The following HTR2A variants were observed in gnomAD, a reference collection of about 807,000 sequenced individuals.
HTR2A encodes the protein 5-HT2 receptor.
HTR2A carries 14 observed loss-of-function variants against 31.0 expected under a neutral mutation model. The ratio of observed to expected loss-of-function variants is 0.45; its 90% CI spans 0.30 to 0.71. The LOEUF is 0.71. Among genes scored for constraint, HTR2A ranks in the 30% least tolerant of loss-of-function variants. The pLI is 0.09. For missense variants in HTR2A, 442 were observed against 573.3 expected, an observed-to-expected ratio of 0.77 and a Z score of 2.34; for synonymous variants, 209 against 225.2, an observed-to-expected ratio of 0.93 and a Z score of 0.64.
At chr13:46,883,766 A>G (rs769720082) in intron 3 of HTR2A, among the ~76,000 whole-genome samples, 2 of 152,192 alleles carry the variant, frequency 1.3e-5, no homozygotes, top group Non-Finnish European at 2.9e-5. Flanking sequence ...TCCATAGAGA[A>G]TACTAGGATC....
At chr13:46,837,072 G>T (rs79571824) in intron 3 of HTR2A, among the ~76,000 whole-genome samples, 2,623 of 152,208 alleles carry the variant, frequency 0.017, 63 homozygotes, top group African/African-American at 0.055. Flanking sequence ...CAGATTTGGG[G>T]GATCTGTAAG....
chr13:46,849,689 T>C (rs190149488), intron 3 of HTR2A, among the ~76,000 whole-genome samples: 1 of 152,338 alleles, frequency 6.6e-6, no homozygotes, highest in African/African-American at 2.4e-5. Context: ...TTGGTGTCCA[T>C]GTAAATGCCC....
At chr13:46,874,260 T>C (rs966892123) in intron 3 of HTR2A, among the ~76,000 whole-genome samples, 2 of 152,196 alleles carry the variant, frequency 1.3e-5, no homozygotes, top group Non-Finnish European at 2.9e-5. Flanking sequence ...ACTATGGGGA[T>C]GATCATCTAA....
chr13:46,892,684 C>A, intron 2 of HTR2A, 94 bp from the exon 3 acceptor site: 1 of 1,047,922 alleles, frequency 9.5e-7, no homozygotes, highest in Non-Finnish European at 1.5e-6. Flanking sequence ...CTGGGACAGG[C>A]ACAGGTGGTG....
chr13:46,872,571 GTTTA>G (rs2138228695), intron 3 of HTR2A, among the ~76,000 whole-genome samples: 1 of 152,202 alleles, frequency 6.6e-6, no homozygotes, highest in South Asian at 2.1e-4. Flanking sequence ...TGTTATGTCT[GTTTA>G]TTTGACCACT....
At chr13:46,850,317 C>G (rs922541345) in intron 3 of HTR2A, among the ~76,000 whole-genome samples, 1 of 152,188 alleles carries the variant, frequency 6.6e-6, no homozygotes, top group Non-Finnish European at 1.5e-5. Flanking sequence ...CAGGCACTAT[C>G]CTAAGTGCTT....
At chr13:46,870,121 G>A (rs1226954888) in intron 3 of HTR2A, among the ~76,000 whole-genome samples, 1 of 151,926 alleles carries the variant, frequency 6.6e-6, no homozygotes, top group Non-Finnish European at 1.5e-5. Flanking sequence ...TTCTAAACTG[G>A]TCAAATATAT....
intron 3 of HTR2A, among the ~76,000 whole-genome samples, chr13:46,846,104 G>C (rs1353517622): frequency 1.3e-5 from 2 of 151,982 alleles, no homozygotes; most frequent in Admixed American, 1.3e-4. Context: ...TGATACAGGA[G>C]AAAAAAAGCC....
At chr13:46,869,045 C>T (rs571619058) in intron 3 of HTR2A, among the ~76,000 whole-genome samples, 5 of 152,100 alleles carry the variant, frequency 3.3e-5, no homozygotes, top group Non-Finnish European at 7.4e-5. Flanking sequence ...GAAGTAGATA[C>T]GTCACCAAAA....
chr13:46,836,931 T>A (rs762487295), intron 3 of HTR2A, among the ~76,000 whole-genome samples: 1 of 152,206 alleles, frequency 6.6e-6, no homozygotes, highest in African/African-American at 2.4e-5. Context: ...TTTTTAGTAG[T>A]AGAGCATTCA....
intron 3 of HTR2A, among the ~76,000 whole-genome samples, chr13:46,883,040 A>G (rs1345652989): frequency 1.3e-5 from 2 of 152,228 alleles, no homozygotes; most frequent in Non-Finnish European, 2.9e-5. Context: ...GGCTCCAGAC[A>G]TTTTGCTTAT....
At chr13:46,871,885 A>T (rs1487646692) in intron 3 of HTR2A, among the ~76,000 whole-genome samples, 1 of 152,264 alleles carries the variant, frequency 6.6e-6, no homozygotes, top group African/African-American at 2.4e-5. Flanking sequence ...GCTGGAAAGA[A>T]TTATCAAAAT....
rs569636538 is a variant in HTR2A, at chr13:46,866,585, C to T, written c.613+25805G>A. 3.5e-4 allele frequency among the ~76,000 whole-genome samples: 53 copies of T among 152,330 alleles called. 1 individual carries two copies. Among genetic ancestry groups the T allele is most frequent in the Admixed American group, 1.1e-3 (17 of 15,302 alleles). On this transcript the variant is annotated intron_variant, in intron 3 of 3. Transcript: ENST00000542664. ...GAAACTTACTTTTCTCATTCCCATT[C>T]ATTTAACAAATATTGAGTTAGGTAC...
chr13:46,870,129 T>C (rs144246661), intron 3 of HTR2A, among the ~76,000 whole-genome samples: 154 of 152,242 alleles, frequency 1.0e-3, no homozygotes, highest in East Asian at 6.9e-3. Flanking sequence ...TGGTCAAATA[T>C]ATATAATGGA....
rs183666904 is a variant in HTR2A, at chr13:46,865,820, C to T, written c.613+26570G>A. On this transcript the variant is annotated intron_variant, in intron 3 of 3. Transcript: ENST00000542664. ...ATTTACTTAAATATTACAAGGCTTG[C>T]GCTATTTGGAGAGAAATCTCCTGTG... Among the ~76,000 whole-genome samples the T allele has an allele frequency of 4.0e-3, 605 of 152,224 alleles. 4 individuals are homozygous for T. Among genetic ancestry groups the T allele is most frequent in the African/African-American group, 0.011 (449 of 41,512 alleles).
chr13:46,849,427 C>T (rs993793328), intron 3 of HTR2A, among the ~76,000 whole-genome samples: 7 of 152,126 alleles, frequency 4.6e-5, no homozygotes, highest in African/African-American at 1.2e-4. Flanking sequence ...TCAGAGACCC[C>T]GCACTGCACT....
At chr13:46,844,108 G>C (rs1950621809) in intron 3 of HTR2A, among the ~76,000 whole-genome samples, 1 of 152,036 alleles carries the variant, frequency 6.6e-6, no homozygotes, top group South Asian at 2.1e-4. Context: ...CAATATCTTA[G>C]AATTTTTCTC....
rs542068911 is a variant in HTR2A at position 46,863,281 on chromosome 13, A to AG, written c.614-27643dup. Reference sequence around the variant, plus strand: ...TAGCTCTGATGCTTAAAAAATAAAAAGGGAATAAGAACAAAAGTTATCTTT... The same window carrying AG: ...TAGCTCTGATGCTTAAAAAATAAAAAGGGGAATAAGAACAAAAGTTATCTTT... On this transcript the variant is annotated intron_variant, in intron 3 of 3. Coordinates refer to ENST00000542664, the MANE Select transcript of HTR2A (RefSeq NM_000621.5). 2.2e-4 allele frequency among the ~76,000 whole-genome samples: 33 copies of AG among 152,310 alleles called. No individual in the cohort carries two copies. In the East Asian group the frequency reaches 6.0e-3, roughly 28 times the overall value.
chr13:46,895,603 C>G lies in HTR2A; in HGVS notation c.304G>C (p.Glu102Gln). 2 of 1,614,190 alleles carry G rather than the reference C, an allele frequency of 1.2e-6. No individual in the cohort carries two copies. The highest frequency in any genetic ancestry group is 1.1e-5 in the South Asian group (1 of 91,082). ...NILVIMAVSL[E>Q]KKLQNATNYF... Reference sequence around the variant, plus strand: ...TTGGTGGCATTCTGCAGCTTTTTCTCTAGGGACACTGCCATGATGACGAGT... The same window carrying G: ...TTGGTGGCATTCTGCAGCTTTTTCTGTAGGGACACTGCCATGATGACGAGT... Residue 102 changes from glutamate (E) to glutamine (Q), a missense_variant, in exon 2 of 4, where the codon GAG becomes CAG. By Grantham distance (29) the Glu-to-Gln change is conservative. This residue lies in a region of HTR2A where 86 missense variants were observed against 179.1 expected (regional missense o/e 0.48). Coordinates refer to ENST00000542664, the MANE Select transcript of HTR2A (RefSeq NM_000621.5). This position sits in a 1 kb window ranked among gnomAD's most constrained non-coding sequence, Gnocchi z 4.4.
Sources: allele counts gnomAD v4.1 joint callset (sites outside exome capture counted in the v4.1 genomes callset), GRCh38; gene constraint gnomAD v4.1.1; regional missense constraint gnomAD v4.1.1; non-coding constraint Gnocchi (gnomAD v3.1); transcripts MANE v1.5; gene names NCBI Gene and HGNC (gene_info 2026-07-23, HGNC 2026-07-21).